The following ABL1 variants were observed in gnomAD, a reference collection of about 807,000 sequenced individuals.
The protein encoded by ABL1 is tyrosine-protein kinase ABL1.
ABL1 carries 11 observed loss-of-function variants against 94.7 expected under a neutral mutation model. The ratio of observed to expected loss-of-function variants is 0.12; its 90% CI spans 0.07 to 0.19. The LOEUF is 0.19. ABL1 is among the 10% of genes least tolerant of loss of function. The probability of loss-of-function intolerance (pLI) is 1.00; values close to 1 mark genes in which losing one functional copy is unlikely to be tolerated. For synonymous variants in ABL1, 656 were observed against 622.4 expected, an observed-to-expected ratio of 1.05 and a Z score of -0.80; for missense variants, 1,082 against 1,489.4, an observed-to-expected ratio of 0.73 and a Z score of 4.50.
intron 1 of ABL1, among the ~76,000 whole-genome samples, chr9:130,820,064 C>A (rs1830339865): frequency 1.3e-5 from 2 of 152,042 alleles, no homozygotes. Context: ...GTTTCACACT[C>A]ATGAAATATT....
intron 4 of ABL1, among the ~76,000 whole-genome samples, chr9:130,865,961 C>T (rs1831149396): frequency 6.6e-6 from 1 of 152,022 alleles, no homozygotes; most frequent in South Asian, 2.1e-4. Context: ...CTCCCAAATC[C>T]AAAACTTTTT....
chr9:130,873,471 A>T (rs1311649857), intron 6 of ABL1, among the ~76,000 whole-genome samples: 4 of 152,174 alleles, frequency 2.6e-5, no homozygotes, highest in African/African-American at 9.7e-5. Context: ...AACTCATGGG[A>T]ACAACCAGTA....
At position 130,875,446 on chromosome 9, in the gene ABL1, C is replaced by CT. The variant is rs34709473; in HGVS notation, c.1270+410dup. ...GTGTGAGCCACTGTGCACAGCCACC[C>CT]TTTTTTTTTTTTTTTTAACTGTGTA... On this transcript the variant is annotated intron_variant, in intron 7 of 10. Transcript: ENST00000318560. Among the ~76,000 whole-genome samples the CT allele has an allele frequency of 3.8e-3, 546 of 145,184 alleles. 2 individuals are homozygous for CT. Among genetic ancestry groups the CT allele is most frequent in the African/African-American group, 4.6e-3 (188 of 40,686 alleles).
chr9:130,758,455 C>T (rs892730570), intron 1 of ABL1, among the ~76,000 whole-genome samples: 6 of 151,846 alleles, frequency 4.0e-5, no homozygotes, highest in African/African-American at 9.7e-5. Context: ...CCACCAGAGA[C>T]GGAGTCTCAC....
intron 1 of ABL1, among the ~76,000 whole-genome samples, chr9:130,799,517 C>T (rs1830027520): frequency 6.6e-6 from 1 of 152,046 alleles, no homozygotes; most frequent in Non-Finnish European, 1.5e-5. Context: ...TAGCTGTGAC[C>T]CTGGGCAAAT....
intron 1 of ABL1, among the ~76,000 whole-genome samples, chr9:130,779,455 T>C (rs1017534754): frequency 2.0e-5 from 3 of 152,246 alleles, no homozygotes; most frequent in African/African-American, 7.2e-5. Flanking sequence ...TGCTGATTTA[T>C]GGCATAACGC....
At chr9:130,875,077 T>G (rs369426979) in intron 7 of ABL1, 25 bp downstream of exon 7, 4 of 1,609,818 alleles carry the variant, frequency 2.5e-6, no homozygotes, top group Admixed American at 3.4e-5. Context: ...TGCACTGAAG[T>G]GGTCCTTCCT....
At chr9:130,774,581 T>C (rs149278034) in intron 1 of ABL1, among the ~76,000 whole-genome samples, 111 of 152,240 alleles carry the variant, frequency 7.3e-4, no homozygotes, top group African/African-American at 2.6e-3. Flanking sequence ...TCTAGCACTT[T>C]GGAAGGCTGA....
intron 1 of ABL1, among the ~76,000 whole-genome samples, chr9:130,752,386 GC>G (rs1464438714): frequency 6.6e-6 from 1 of 152,144 alleles, no homozygotes; most frequent in African/African-American, 2.4e-5. Context: ...AACTCCTGCT[GC>G]CTACCAAATA....
intron 1 of ABL1, among the ~76,000 whole-genome samples, chr9:130,820,373 T>G (rs1830343661): frequency 1.3e-5 from 2 of 152,186 alleles, no homozygotes; most frequent in Admixed American, 1.3e-4. Context: ...TCCAAATGCT[T>G]CCTGTGAATG....
intron 1 of ABL1, among the ~76,000 whole-genome samples, chr9:130,797,428 G>A (rs1410010343): frequency 6.6e-6 from 1 of 152,096 alleles, no homozygotes; most frequent in Non-Finnish European, 1.5e-5. Context: ...AGGCTAGAGT[G>A]CAGTAGCATG....
At chr9:130,853,317 A>C (rs1487539135) in intron 1 of ABL1, among the ~76,000 whole-genome samples, 1 of 151,590 alleles carries the variant, frequency 6.6e-6, no homozygotes, top group Non-Finnish European at 1.5e-5. Context: ...CTGGGACTAC[A>C]GGCACCTGCC....
In ABL1 at chr9:130,770,103, G is replaced by T. The variant is rs542187051; in HGVS notation, c.136+55648G>T. Among the ~76,000 whole-genome samples, 13 of 152,168 alleles carry T rather than the reference G, an allele frequency of 8.5e-5. No individual in the cohort carries two copies. In the South Asian group the frequency reaches 1.2e-3, roughly 15 times the overall value. On this transcript the variant is annotated intron_variant, in intron 1 of 10. Transcript: ENST00000372348. ...ATCCATTCACCAGCTGAAGGACAGT[G>T]CTCCAGGGTCCTAGAGCACAGAACT...
At chr9:130,721,822 GTTT>G (rs746954089) in intron 1 of ABL1, among the ~76,000 whole-genome samples, 2 of 120,878 alleles carry the variant, frequency 1.7e-5, no homozygotes, top group Non-Finnish European at 1.7e-5. Context: ...GTTTTTTTTT[GTTT>G]TTTTTTTTTT....
upstream of ABL1, chr9:130,835,132 CGG>C (rs1261655737): frequency 4.3e-6 from 1 of 230,282 alleles, no homozygotes; most frequent in Non-Finnish European, 8.8e-6. This position sits in a 1 kb window ranked among gnomAD's most constrained non-coding sequence, Gnocchi z 4.6. Context: ...GGCTTTGGGC[CGG>C]GCTCGGCCTC....
chr9:130,877,054 G>C (rs1831358372), intron 7 of ABL1, among the ~76,000 whole-genome samples: 2 of 148,002 alleles, frequency 1.4e-5, no homozygotes. Flanking sequence ...GGTTTTTGCT[G>C]TCATTGGTGG....
Position 130,884,175 on chromosome 9 carries a change from G to C in ABL1, c.1885G>C (p.Glu629Gln). 6.2e-7 allele frequency: 1 copy of C among 1,612,746 alleles called. No individual in the cohort carries two copies. The highest frequency in any genetic ancestry group is 8.5e-7 in the Non-Finnish European group (1 of 1,179,818). The change falls in exon 11 of 11, where the codon GAG (glutamate) becomes CAG (glutamine). Residue 629 changes from glutamate to glutamine, a missense_variant. Physicochemically the swap from Glu to Gln is conservative, Grantham distance 29. This residue lies in a region of ABL1 where 780 missense variants were observed against 835.8 expected (regional missense o/e 0.93). Coordinates refer to ENST00000318560, the MANE Select transcript of ABL1 (RefSeq NM_005157.6). The surrounding 1 kb of genome is among the most constrained non-coding windows in gnomAD (Gnocchi z 5.6). ...CTTCCGGGAGATGGACGGCCAGCCG[G>C]AGCGCAGAGGGGCCGGCGAGGAAGA... ...SSFREMDGQP[E>Q]RRGAGEEEGR...
chr9:130,860,508 T>C (rs1163318580), intron 3 of ABL1, among the ~76,000 whole-genome samples: 1 of 152,120 alleles, frequency 6.6e-6, no homozygotes, highest in Admixed American at 6.5e-5. Flanking sequence ...GCATTCCACT[T>C]TGGAGTGAAG....
In ABL1 at chr9:130,880,439, C is replaced by A. The variant is rs2133023660; in HGVS notation, c.1514-61C>A. 1 of 1,580,764 alleles carries A rather than the reference C, an allele frequency of 6.3e-7. No homozygotes were observed. The highest frequency in any genetic ancestry group is 1.1e-5 in the South Asian group (1 of 88,918). On this transcript the variant is annotated intron_variant, in intron 9 of 10. Transcript: ENST00000318560. The surrounding 1 kb of genome is among the most constrained non-coding windows in gnomAD (Gnocchi z 4.4). ...TTACAAAGAAAGAGAACCACCACAC[C>A]AAGCCAACACCAGTACTGATGGCTG...
Sources: allele counts gnomAD v4.1 joint callset (sites outside exome capture counted in the v4.1 genomes callset), GRCh38; gene constraint gnomAD v4.1.1; regional missense constraint gnomAD v4.1.1; non-coding constraint Gnocchi (gnomAD v3.1); transcripts MANE v1.5; gene names NCBI Gene and HGNC (gene_info 2026-07-23, HGNC 2026-07-21).